Variants in ANOS1 observed in about 807,000 individuals in gnomAD.
ANOS1 encodes the protein anosmin-1.
In ANOS1, 6 loss-of-function variants were observed where a neutral mutation model predicts 59.0. The observed-to-expected ratio is 0.10, with a 90% CI of 0.06 to 0.20. The LOEUF is 0.20. Ranked by LOEUF, ANOS1 falls within the 10% of genes least tolerant of loss-of-function variation. The pLI is 1.00. For synonymous variants in ANOS1, 217 were observed against 223.4 expected, an observed-to-expected ratio of 0.97 and a Z score of 0.25; for missense variants, 433 against 542.3, an observed-to-expected ratio of 0.80 and a Z score of 2.00.
At chrX:8,689,857 T>C (rs1473467749) in intron 2 of ANOS1, among the ~76,000 whole-genome samples, 3 of 111,435 alleles carry the variant, frequency 2.7e-5, no homozygotes, top group Non-Finnish European at 5.6e-5. Flanking sequence ...TACTTATAAT[T>C]ATCTTGTGGC....
intron 2 of ANOS1, among the ~76,000 whole-genome samples, chrX:8,677,198 G>A (rs929226754): frequency 5.1e-4 from 57 of 111,237 alleles, no homozygotes; most frequent in African/African-American, 1.7e-3. Flanking sequence ...TTCTGTGCAT[G>A]GTAACACTAC....
rs764180942 is a variant in ANOS1 at position 8,644,183 on chromosome X, C to T, written c.256-20513G>A. ...TTAAGATTTAGCTTGACGAAAATACCGTTATGCAGAGGACCATTCAGCCTG... is the reference window on the plus strand; with the variant it reads ...TTAAGATTTAGCTTGACGAAAATACTGTTATGCAGAGGACCATTCAGCCTG... On this transcript the variant is annotated intron_variant, in intron 2 of 13. Transcript: ENST00000262648. Among the ~76,000 whole-genome samples the T allele has an allele frequency of 4.5e-5, 5 of 111,606 alleles. No homozygotes were observed. The South Asian group carries it at 1.5e-3, about 34-fold the overall frequency.
At chrX:8,667,607 G>A (rs181271371) in intron 2 of ANOS1, among the ~76,000 whole-genome samples, 28 of 111,733 alleles carry the variant, frequency 2.5e-4, no homozygotes, top group Admixed American at 4.7e-4. Context: ...GGCAAGAGAC[G>A]AAGTGTTGAC....
intron 2 of ANOS1, among the ~76,000 whole-genome samples, chrX:8,688,004 G>T (rs1217056495): frequency 8.9e-6 from 1 of 111,975 alleles, no homozygotes; most frequent in African/African-American, 3.2e-5. Flanking sequence ...TTTCTAAGAG[G>T]AACTCCTATG....
rs139467408 is a variant in ANOS1, at chrX:8,554,487, G to A, written c.1208-389C>T. 9.1e-3 allele frequency among the ~76,000 whole-genome samples: 950 copies of A among 104,509 alleles called. 11 individuals carry two copies. Among genetic ancestry groups the A allele is most frequent in the African/African-American group, 0.031 (903 of 28,918 alleles). 90.8% of individuals were successfully genotyped at this position (104,509 alleles called of 115,157 possible). ...GGTGCCTACACCGCCAGGCCCCTGA[G>A]TTTCAAGTGCAAAACTGGGAGGCCA... On this transcript the variant is annotated intron_variant, in intron 8 of 13. Transcript: ENST00000262648.
intron 8 of ANOS1, among the ~76,000 whole-genome samples, chrX:8,559,546 T>G (rs1021184491): frequency 1.8e-5 from 2 of 111,942 alleles, no homozygotes; most frequent in African/African-American, 6.5e-5. Flanking sequence ...GGTCATTTCT[T>G]ACTGTGTTGT....
intron 11 of ANOS1, among the ~76,000 whole-genome samples, chrX:8,536,184 G>A (rs1261440019): frequency 2.0e-5 from 1 of 51,023 alleles, no homozygotes; most frequent in Non-Finnish European, 4.5e-5. Context: ...TATTAAATCC[G>A]AAGCTTTTTT....
chrX:8,690,434 G>T (rs1212307168), intron 2 of ANOS1, among the ~76,000 whole-genome samples: 1 of 112,015 alleles, frequency 8.9e-6, no homozygotes, highest in African/African-American at 3.2e-5. Flanking sequence ...CAGGTCTAAA[G>T]TATCTAAACA....
chrX:8,721,510 T>C (rs950815530), intron 1 of ANOS1, among the ~76,000 whole-genome samples: 2 of 112,322 alleles, frequency 1.8e-5, no homozygotes, highest in African/African-American at 6.5e-5. Flanking sequence ...AATGCAATGC[T>C]AAATGCCTTC....
intron 7 of ANOS1, among the ~76,000 whole-genome samples, chrX:8,569,946 G>T (rs753993884): frequency 9.0e-6 from 1 of 111,401 alleles, no homozygotes; most frequent in East Asian, 2.8e-4. Flanking sequence ...GCAGAAAATG[G>T]TTCAATGAAG....
At chrX:8,582,672 G>T (rs1455643517) in intron 6 of ANOS1, among the ~76,000 whole-genome samples, 1 of 111,287 alleles carries the variant, frequency 9.0e-6, no homozygotes, top group Admixed American at 9.6e-5. Flanking sequence ...TCCAGAAGTG[G>T]AAATCCGGAA....
chrX:8,677,663 G>C (rs574638235), intron 2 of ANOS1, among the ~76,000 whole-genome samples: 16 of 111,675 alleles, frequency 1.4e-4, no homozygotes, highest in African/African-American at 5.2e-4. Flanking sequence ...CAACAGTTAA[G>C]AAATATGTTG....
chrX:8,533,334 T>G (rs1234258422), intron 13 of ANOS1, among the ~76,000 whole-genome samples: 1 of 112,456 alleles, frequency 8.9e-6, no homozygotes, highest in African/African-American at 3.2e-5. Context: ...TAATCCTTTT[T>G]TATTTGCTCA....
intron 1 of ANOS1, among the ~76,000 whole-genome samples, chrX:8,723,572 A>G (rs183880426): frequency 3.6e-5 from 4 of 112,493 alleles, no homozygotes; most frequent in African/African-American, 9.7e-5. Context: ...ACAATCTACA[A>G]ATGCTACATT....
intron 2 of ANOS1, among the ~76,000 whole-genome samples, chrX:8,648,776 T>C (rs1251606619): frequency 1.8e-5 from 2 of 112,278 alleles, no homozygotes; most frequent in African/African-American, 6.5e-5. Context: ...GGTCCACATA[T>C]GCTATTAAAT....
At chrX:8,603,504 A>G (rs1221087922) in intron 3 of ANOS1, among the ~76,000 whole-genome samples, 1 of 112,219 alleles carries the variant, frequency 8.9e-6, no homozygotes, top group Admixed American at 9.4e-5. Flanking sequence ...GCTAAAAATA[A>G]AATTAAATAC....
intron 9 of ANOS1, among the ~76,000 whole-genome samples, chrX:8,542,818 C>T (rs1445943787): frequency 9.4e-6 from 1 of 106,875 alleles, no homozygotes; most frequent in Non-Finnish European, 1.9e-5. Context: ...TGATTGTATT[C>T]GTTTCCACCC....
chrX:8,565,584 GAC>G, intron 8 of ANOS1, among the ~76,000 whole-genome samples: 1 of 112,448 alleles, frequency 8.9e-6, no homozygotes, highest in Middle Eastern at 4.6e-3. Context: ...GGAAAGAAAA[GAC>G]AATAGCGTGA....
chrX:8,614,346 G>A (rs1382983850), intron 3 of ANOS1, among the ~76,000 whole-genome samples: 1 of 111,999 alleles, frequency 8.9e-6, no homozygotes, highest in African/African-American at 3.2e-5. Flanking sequence ...CAGTGTTAGG[G>A]AAAGACTTTA....
Sources: gnomAD v4.1 joint callset for allele counts (sites outside exome capture counted in the v4.1 genomes callset) on GRCh38, gnomAD v4.1.1 for gene constraint, MANE v1.5 for transcripts, NCBI Gene and HGNC (gene_info 2026-07-23, HGNC 2026-07-21) for gene names.